Variants in PACRG observed in about 807,000 individuals in gnomAD.
The protein encoded by PACRG is parkin coregulated gene protein.
A neutral mutation model predicts 29.7 loss-of-function variants in PACRG; 29 were observed. That is an observed-to-expected ratio of 0.98 (90% CI 0.73 to 1.33). The LOEUF (loss-of-function observed/expected upper bound fraction) is 1.33. Among genes scored for constraint, PACRG ranks in the 40% most tolerant of loss-of-function variants. PACRG has a pLI of 0.00. For synonymous variants in PACRG, 116 were observed against 118.7 expected (o/e 0.98, Z 0.15); for missense variants, 279 against 316.2 (o/e 0.88, Z 0.89).
intron 4 of PACRG, among the ~76,000 whole-genome samples, chr6:163,237,718 T>C (rs965797710): frequency 1.2e-4 from 18 of 152,186 alleles, no homozygotes; most frequent in Admixed American, 2.0e-4. Flanking sequence ...AGGTCACAAA[T>C]TAATCACTTT....
chr6:163,085,848 A>G (rs915942370), intron 3 of PACRG, among the ~76,000 whole-genome samples: 5 of 152,092 alleles, frequency 3.3e-5, no homozygotes, highest in African/African-American at 1.2e-4. Flanking sequence ...TTTCCATACT[A>G]TTTTACAAAC....
chr6:162,825,585 CTT>C (rs1289903330), intron 2 of PACRG, among the ~76,000 whole-genome samples: 1 of 152,146 alleles, frequency 6.6e-6, no homozygotes, highest in African/African-American at 2.4e-5. Context: ...TCTGCCTACT[CTT>C]ATATTTTTCT....
At chr6:163,237,676 G>C (rs1782308469) in intron 4 of PACRG, among the ~76,000 whole-genome samples, 1 of 152,188 alleles carries the variant, frequency 6.6e-6, no homozygotes, top group Non-Finnish European at 1.5e-5. Context: ...TATATGAAAA[G>C]AAATTGAAGC....
At chr6:163,268,502 T>C (rs1304757894) in intron 4 of PACRG, among the ~76,000 whole-genome samples, 1 of 152,162 alleles carries the variant, frequency 6.6e-6, no homozygotes, top group African/African-American at 2.4e-5. Context: ...TAATGTGATA[T>C]AATTTATTAC....
intron 2 of PACRG, among the ~76,000 whole-genome samples, chr6:162,964,676 A>T (rs1033240412): frequency 5.3e-5 from 8 of 152,188 alleles, no homozygotes; most frequent in Non-Finnish European, 1.2e-4. Context: ...GGAAGAAGGA[A>T]GCCATGATCA....
chr6:162,960,108 G>T (rs1159946254), intron 2 of PACRG, among the ~76,000 whole-genome samples: 1 of 152,146 alleles, frequency 6.6e-6, no homozygotes, highest in Non-Finnish European at 1.5e-5. Context: ...AAAAACAACG[G>T]ATGCTGGTGA....
chr6:162,749,190 C>T lies in PACRG; in HGVS notation c.156+20799C>T, dbSNP rs532967179. Among the ~76,000 whole-genome samples the T allele has an allele frequency of 1.2e-4, 19 of 152,204 alleles. No individual in the cohort carries two copies. The South Asian group carries it at 3.5e-3, about 28-fold the overall frequency. On this transcript the variant is annotated intron_variant, in intron 1 of 4. Coordinates refer to ENST00000366888, the MANE Select transcript of PACRG (RefSeq NM_001080379.2). ...ACCTGCTGTTGACTTGGGTGGTGTC[C>T]AGTGCATGATTGTTAAAAACAAGTA... is the stretch of plus-strand genomic sequence containing the variant.
rs532472591 is a variant in PACRG, at chr6:163,075,682, A to G, written c.463+13361A>G. On this transcript the variant is annotated intron_variant, in intron 3 of 4. Coordinates refer to ENST00000366888, the MANE Select transcript of PACRG (RefSeq NM_001080379.2). The stretch of plus-strand genomic sequence containing the variant: ...ATAAATGGTGAAAAAGCATTTGATA[A>G]CATTTAACATTCATTCATGTATTTA... Among the ~76,000 whole-genome samples, 7 of 152,336 alleles carry G rather than the reference A, an allele frequency of 4.6e-5. No individual in the cohort carries two copies. The South Asian group carries it at 1.5e-3, about 32-fold the overall frequency.
intron 2 of PACRG, among the ~76,000 whole-genome samples, chr6:162,912,062 G>A (rs574265379): frequency 6.6e-6 from 1 of 152,278 alleles, no homozygotes; most frequent in South Asian, 2.1e-4. Flanking sequence ...TGACCATACA[G>A]GTTACTTTCT....
At chr6:163,233,128 G>T (rs921279734) in intron 4 of PACRG, among the ~76,000 whole-genome samples, 1 of 152,244 alleles carries the variant, frequency 6.6e-6, no homozygotes. Flanking sequence ...CCCCCAAGAA[G>T]TATTCTTTGC....
chr6:163,254,069 C>A (rs1242211670), intron 4 of PACRG, among the ~76,000 whole-genome samples: 6 of 152,224 alleles, frequency 3.9e-5, no homozygotes, highest in African/African-American at 1.4e-4. Flanking sequence ...CCTGCTACCA[C>A]CAGGGCCAGC....
chr6:162,791,403 C>T (rs2128326992), intron 1 of PACRG, among the ~76,000 whole-genome samples: 1 of 149,338 alleles, frequency 6.7e-6, no homozygotes, highest in South Asian at 2.1e-4. Flanking sequence ...TTCTCCTTTC[C>T]TTCTCTACCC....
At chr6:163,292,602 A>ATTTG (rs35254999) in intron 4 of PACRG, among the ~76,000 whole-genome samples, 2,777 of 150,144 alleles carry the variant, frequency 0.018, 60 homozygotes, top group Non-Finnish European at 0.028. Context: ...TTATTTATTT[A>ATTTG]TTAGTAGAGA....
intron 4 of PACRG, among the ~76,000 whole-genome samples, chr6:163,207,200 C>T (rs1193154901): frequency 1.3e-5 from 2 of 152,130 alleles, no homozygotes; most frequent in Admixed American, 6.5e-5. Context: ...TTATCTCTTA[C>T]TAAGAAAGCA....
At chr6:163,134,088 T>C (rs1358310406) in intron 4 of PACRG, among the ~76,000 whole-genome samples, 1 of 152,250 alleles carries the variant, frequency 6.6e-6, no homozygotes, top group Non-Finnish European at 1.5e-5. Flanking sequence ...ACCTTCAGTT[T>C]ACTGATGAAT....
chr6:162,886,057 C>T (rs1794307649), intron 2 of PACRG, among the ~76,000 whole-genome samples: 1 of 152,006 alleles, frequency 6.6e-6, no homozygotes, highest in Non-Finnish European at 1.5e-5. Flanking sequence ...CATTTATTTG[C>T]CTCCTGAGTA....
intron 2 of PACRG, among the ~76,000 whole-genome samples, chr6:162,955,003 T>A: frequency 6.6e-6 from 1 of 152,196 alleles, no homozygotes; most frequent in African/African-American, 2.4e-5. Flanking sequence ...TACTGCTGGG[T>A]AACTAGACGT....
Position 162,736,757 on chromosome 6 carries a change from A to T in PACRG, c.156+8366A>T, listed in dbSNP as rs370372324. Among the ~76,000 whole-genome samples the T allele has an allele frequency of 6.5e-4, 99 of 151,976 alleles. No individual in the cohort carries two copies. In the East Asian group the frequency reaches 9.5e-3, roughly 15 times the overall value. ...TTTTATATATTTTGAGAGCATATAG[A>T]GTGTATATACCTACCTGTATGTTTG... On this transcript the variant is annotated intron_variant, in intron 1 of 4. Transcript: ENST00000366888.
chr6:163,270,294 A>G (rs1344608294), intron 4 of PACRG, among the ~76,000 whole-genome samples: 1 of 152,224 alleles, frequency 6.6e-6, no homozygotes, highest in South Asian at 2.1e-4. Flanking sequence ...AATTATTAGG[A>G]CCTGTCTCAT....
Sources: allele counts gnomAD v4.1 joint callset (sites outside exome capture counted in the v4.1 genomes callset), GRCh38; gene constraint gnomAD v4.1.1; transcripts MANE v1.5; gene names NCBI Gene and HGNC (gene_info 2026-07-23, HGNC 2026-07-21).